Variants in RASA2 observed in about 807,000 individuals in gnomAD.
RASA2 encodes RAS p21 protein activator 2.
A neutral mutation model predicts 118.2 loss-of-function variants in RASA2; 155 were observed. That is an observed-to-expected ratio of 1.31 (90% CI 1.15 to 1.50). The LOEUF is 1.50. RASA2 is among the 40% of genes most tolerant of loss of function. The pLI is 0.00. For synonymous variants in RASA2, 353 were observed against 349.1 expected, an observed-to-expected ratio of 1.01 and a Z score of -0.12; for missense variants, 1,016 against 1,009.6, an observed-to-expected ratio of 1.01 and a Z score of -0.09.
intron 16 of RASA2, 92 bp from the exon 17 acceptor site, chr3:141,581,008 T>C: frequency 1.6e-6 from 2 of 1,287,966 alleles, no homozygotes; most frequent in Non-Finnish European, 2.0e-6. Flanking sequence ...ATTGAGTCCT[T>C]TTAGGCCTTA....
intron 1 of RASA2, among the ~76,000 whole-genome samples, chr3:141,496,139 C>A (rs146909122): frequency 7.2e-5 from 11 of 152,278 alleles, no homozygotes; most frequent in South Asian, 2.1e-4. Context: ...AACTGGAACC[C>A]TTCCTTACAC....
chr3:141,609,948 G>C lies in RASA2; in HGVS notation c.2401G>C (p.Glu801Gln). ...EPDDYSNFVI[E>Q]DSVTTFKTIQ... ...TGATGATTATTCTAACTTTGTAATCGAGGATTCTGTAACAACCTTTAAGAC... is the reference window on the plus strand; with the variant it reads ...TGATGATTATTCTAACTTTGTAATCCAGGATTCTGTAACAACCTTTAAGAC... The change falls in exon 23 of 24, where the codon GAG becomes CAG. Residue 801 changes from glutamate to glutamine, a missense_variant. Around this residue, in one of 2 missense-constraint regions of RASA2, gnomAD observed 120 missense variants for 173.2 expected, o/e 0.69. Transcript: ENST00000286364. 1 of 1,607,444 alleles carries C rather than the reference G, an allele frequency of 6.2e-7. No individual in the cohort carries two copies. Among genetic ancestry groups the C allele is most frequent in the Non-Finnish European group, 8.5e-7 (1 of 1,177,078 alleles).
chr3:141,501,713 C>T (rs934678742), intron 1 of RASA2, among the ~76,000 whole-genome samples: 1 of 152,170 alleles, frequency 6.6e-6, no homozygotes, highest in African/African-American at 2.4e-5. Context: ...ATTTCAAAGA[C>T]CTTATGATAT....
At chr3:141,528,252 G>T (rs2151093089) in intron 3 of RASA2, among the ~76,000 whole-genome samples, 1 of 151,872 alleles carries the variant, frequency 6.6e-6, no homozygotes, top group Admixed American at 6.5e-5. Context: ...TGTCTTTACA[G>T]TTTGAATTCC....
At chr3:141,590,604 A>G (rs962284711) in intron 19 of RASA2, among the ~76,000 whole-genome samples, 15 of 152,302 alleles carry the variant, frequency 9.8e-5, no homozygotes, top group South Asian at 8.3e-4. Context: ...CTTACTTCCA[A>G]TTTCCCTGCT....
chr3:141,547,721 T>G (rs1231370852), intron 5 of RASA2, among the ~76,000 whole-genome samples: 1 of 152,196 alleles, frequency 6.6e-6, no homozygotes, highest in Non-Finnish European at 1.5e-5. Flanking sequence ...TAGCTAGGAC[T>G]TGAATAACAG....
chr3:141,598,107 G>A (rs1463149212), intron 19 of RASA2, among the ~76,000 whole-genome samples: 3 of 152,006 alleles, frequency 2.0e-5, no homozygotes, highest in Non-Finnish European at 1.5e-5. Flanking sequence ...TGGTAAAGTC[G>A]GCCAAACACT....
chr3:141,508,722 A>G (rs1423307086), intron 1 of RASA2, among the ~76,000 whole-genome samples: 3 of 152,172 alleles, frequency 2.0e-5, no homozygotes, highest in Non-Finnish European at 4.4e-5. Flanking sequence ...GAGAAGTAGG[A>G]TAAGAGGGCA....
At chr3:141,556,168 C>T (rs1440813745) in intron 7 of RASA2, among the ~76,000 whole-genome samples, 1 of 152,210 alleles carries the variant, frequency 6.6e-6, no homozygotes, top group Non-Finnish European at 1.5e-5. Context: ...CTATTCATGC[C>T]CTTCCTTTGC....
chr3:141,587,583 G>T (rs1169513223), intron 19 of RASA2, among the ~76,000 whole-genome samples: 3 of 151,930 alleles, frequency 2.0e-5, no homozygotes, highest in Non-Finnish European at 4.4e-5. Context: ...GCATGGTGGC[G>T]CATGCCTGTA....
At chr3:141,573,881 A>G (rs1445685037) in intron 13 of RASA2, 63 bp from the exon 14 acceptor site, 1 of 1,369,124 alleles carries the variant, frequency 7.3e-7, no homozygotes, top group South Asian at 1.7e-5. Flanking sequence ...TTTTTCTTTC[A>G]TGAAGGCTAT....
chr3:141,502,449 A>T (rs1176484548), intron 1 of RASA2, among the ~76,000 whole-genome samples: 2 of 152,100 alleles, frequency 1.3e-5, no homozygotes, highest in Non-Finnish European at 2.9e-5. Flanking sequence ...GCTGTCCTTT[A>T]TAATCTTTTC....
chr3:141,517,442 T>C (rs1422668709), intron 3 of RASA2, among the ~76,000 whole-genome samples: 1 of 152,166 alleles, frequency 6.6e-6, no homozygotes, highest in Admixed American at 6.5e-5. Flanking sequence ...CATCTTCACA[T>C]GGCTGGCAGG....
intron 19 of RASA2, among the ~76,000 whole-genome samples, chr3:141,594,479 T>TA (rs2083336162): frequency 6.6e-6 from 1 of 152,068 alleles, no homozygotes; most frequent in African/African-American, 2.4e-5. Context: ...AAACCGCACT[T>TA]AGACATAAAA....
At chr3:141,580,081 A>ATAT (rs1399495918) in intron 15 of RASA2, among the ~76,000 whole-genome samples, 22 of 95,578 alleles carry the variant, frequency 2.3e-4, no homozygotes, top group South Asian at 8.1e-4. Context: ...AAAAAAAAAA[A>ATAT]AAAAATATAT....
intron 1 of RASA2, among the ~76,000 whole-genome samples, chr3:141,510,046 A>C (rs780547101): frequency 1.3e-5 from 2 of 152,176 alleles, no homozygotes; most frequent in Non-Finnish European, 2.9e-5. Flanking sequence ...TTTATAAATA[A>C]TGTGTTTACT....
At chr3:141,509,133 A>G in intron 1 of RASA2, among the ~76,000 whole-genome samples, 1 of 152,216 alleles carries the variant, frequency 6.6e-6, no homozygotes, top group South Asian at 2.1e-4. Context: ...TGTACAATTG[A>G]TTGTTGAGCC....
chr3:141,509,082 A>G (rs1385342767), intron 1 of RASA2, among the ~76,000 whole-genome samples: 1 of 152,248 alleles, frequency 6.6e-6, no homozygotes, highest in Non-Finnish European at 1.5e-5. Context: ...CCAATTAATC[A>G]CTACTATAGT....
At chr3:141,583,491 T>C (rs1422337013) in intron 17 of RASA2, among the ~76,000 whole-genome samples, 2 of 152,154 alleles carry the variant, frequency 1.3e-5, no homozygotes, top group East Asian at 1.9e-4. Context: ...TTCAGGTATA[T>C]ATTAAGAAAT....
Sources: allele counts gnomAD v4.1 joint callset (sites outside exome capture counted in the v4.1 genomes callset), GRCh38; gene constraint gnomAD v4.1.1; regional missense constraint gnomAD v4.1.1; transcripts MANE v1.5; gene names NCBI Gene and HGNC (gene_info 2026-07-23, HGNC 2026-07-21).